The following NUP85 variants were observed in gnomAD, a reference collection of about 807,000 sequenced individuals.
The protein encoded by NUP85 is nucleoporin 85, also known as nuclear pore complex protein Nup85.
A neutral mutation model predicts 92.8 loss-of-function variants in NUP85; 23 were observed. The observed-to-expected ratio is 0.25, with a 90% CI of 0.18 to 0.35. The LOEUF (loss-of-function observed/expected upper bound fraction) is 0.35, where lower values mean the gene tolerates loss of function less well. NUP85 is among the 10% of genes least tolerant of loss of function. The pLI is 1.00. For missense variants in NUP85, 759 were observed against 822.8 expected (o/e 0.92, Z 0.95); for synonymous variants, 314 against 306.9 (o/e 1.02, Z -0.24).
At chr17:75,228,395 A>G (rs900496805) in intron 11 of NUP85, 3 of 985,262 alleles carry the variant, frequency 3.0e-6, no homozygotes, top group Non-Finnish European at 2.4e-6. Flanking sequence ...GTTAGTGGGA[A>G]ATCTTGGAGT....
chr17:75,231,498 AAAGGGAGGTTGGGCT>A lies in NUP85; in HGVS notation c.1179-69_1179-55del. Reference sequence around the variant, plus strand: ...GAGGGTGGTGTGAACTGAATGCCTGAAAGGGAGGTTGGGCTAAGGGGGCCCTGAACAGGGCAGGCC... The same window carrying A: ...GAGGGTGGTGTGAACTGAATGCCTGAAAGGGGGCCCTGAACAGGGCAGGCC... On this transcript the variant is annotated intron_variant, in intron 12 of 18. Coordinates refer to ENST00000245544, the MANE Select transcript of NUP85 (RefSeq NM_024844.5). This position sits in a 1 kb window ranked among gnomAD's most constrained non-coding sequence, Gnocchi z 4.6. 1.2e-6 allele frequency: 2 copies of A among 1,609,404 alleles called. No homozygotes were observed. The highest frequency in any genetic ancestry group is 2.7e-5 in the African/African-American group (2 of 74,934).
chr17:75,212,419 C>A (rs1264869969), intron 4 of NUP85, among the ~76,000 whole-genome samples: 1 of 148,682 alleles, frequency 6.7e-6, no homozygotes, highest in Non-Finnish European at 1.5e-5. Flanking sequence ...CAGTTGTACA[C>A]CACCAAGCCC....
At position 75,223,150 on chromosome 17, in the gene NUP85, A is replaced by C. The variant is rs573109427; in HGVS notation, c.598-1953A>C. ...TAGCAACACTAGAAAGCACTTCAGTACTACACGTGGGGACCCAAGAAAATG... is the reference window on the plus strand; with the variant it reads ...TAGCAACACTAGAAAGCACTTCAGTCCTACACGTGGGGACCCAAGAAAATG... On this transcript the variant is annotated intron_variant, in intron 7 of 18. Coordinates refer to ENST00000245544, the MANE Select transcript of NUP85 (RefSeq NM_024844.5). Among the ~76,000 whole-genome samples the C allele has an allele frequency of 1.1e-4, 16 of 152,216 alleles. No individual in the cohort carries two copies. The South Asian group carries it at 3.3e-3, about 32-fold the overall frequency.
rs2075753986 is a variant in NUP85, at chr17:75,225,450, G to C, written c.841G>C (p.Glu281Gln). Residue 281 changes from glutamate to glutamine, a missense_variant, in exon 9 of 19, where the codon GAG becomes CAG. Physicochemically the swap from Glu to Gln is conservative, Grantham distance 29. Transcript: ENST00000245544. The part of the protein sequence containing the change: ...DSTFATSPHL[E>Q]SLLKIMLGDE... The stretch of plus-strand genomic sequence containing the variant: ...CACATTCGCCACCAGCCCTCACCTG[G>C]AGTCTCTCTTGAAGGTCTGGGAAGC... 1.2e-6 allele frequency: 2 copies of C among 1,613,760 alleles called. No individual in the cohort carries two copies. Among genetic ancestry groups the C allele is most frequent in the Admixed American group, 1.7e-5 (1 of 60,012 alleles).
chr17:75,229,102 T>C, intron 11 of NUP85: 1 of 985,452 alleles, frequency 1.0e-6, no homozygotes, highest in Non-Finnish European at 1.2e-6. Flanking sequence ...CTGGTGCCCT[T>C]CAAGTCCTCC....
intron 7 of NUP85, among the ~76,000 whole-genome samples, chr17:75,220,583 T>TTTTATTTA (rs769505494): frequency 6.6e-6 from 1 of 151,404 alleles, no homozygotes; most frequent in South Asian, 2.1e-4. Flanking sequence ...CAGCTAAAGT[T>TTTTATTTA]TTTATTTATT....
intron 2 of NUP85, 22 bp downstream of exon 2, chr17:75,208,642 A>T: frequency 1.5e-6 from 2 of 1,342,668 alleles, no homozygotes; most frequent in Middle Eastern, 3.6e-4. Context: ...TTTCTTCCAA[A>T]TTATCCATCT....
intron 16 of NUP85, among the ~76,000 whole-genome samples, chr17:75,233,531 C>T (rs1425596039): frequency 2.8e-5 from 4 of 143,256 alleles, no homozygotes; most frequent in Non-Finnish European, 6.0e-5. Flanking sequence ...AAGCAATTCT[C>T]GTGCCTCAGC....
chr17:75,220,126 GGTTT>G, intron 7 of NUP85, among the ~76,000 whole-genome samples: 1 of 151,986 alleles, frequency 6.6e-6, no homozygotes, highest in Non-Finnish European at 1.5e-5. Flanking sequence ...CTGTGAGGTG[GGTTT>G]TTTTCCTTTT....
intron 11 of NUP85, among the ~76,000 whole-genome samples, chr17:75,230,044 A>ATTTTT (rs3082648): frequency 2.1e-5 from 3 of 140,376 alleles, no homozygotes; most frequent in Non-Finnish European, 1.5e-5. Context: ...GGTGTACAAA[A>ATTTTT]TTTTTTTTTT....
At chr17:75,228,476 C>T in intron 11 of NUP85, 4 of 985,350 alleles carry the variant, frequency 4.1e-6, no homozygotes, top group Non-Finnish European at 4.8e-6. Context: ...AGAGCTTGTC[C>T]CAGGAATTGT....
intron 7 of NUP85, among the ~76,000 whole-genome samples, chr17:75,221,703 C>T (rs2075603473): frequency 6.6e-6 from 1 of 152,264 alleles, no homozygotes; most frequent in Admixed American, 6.5e-5. Context: ...AAAAGCTAGT[C>T]TTTTACTTCT....
intron 11 of NUP85, among the ~76,000 whole-genome samples, chr17:75,229,463 C>T (rs546740274): frequency 6.6e-6 from 1 of 152,322 alleles, no homozygotes; most frequent in South Asian, 2.1e-4. Context: ...TCGTTTTCAG[C>T]AGAGGGCTAC....
intron 6 of NUP85, 54 bp downstream of exon 6, chr17:75,215,877 C>A: frequency 6.9e-7 from 1 of 1,443,946 alleles, no homozygotes; most frequent in Non-Finnish European, 9.7e-7. Context: ...CCATCTTCTG[C>A]TCTTTCCTCA....
chr17:75,210,022 A>G, intron 3 of NUP85, 37 bp downstream of exon 3: 1 of 1,568,090 alleles, frequency 6.4e-7, no homozygotes, highest in African/African-American at 1.4e-5. Flanking sequence ...AGCCCACACT[A>G]CACTGTGGAA....
rs557175730 is a variant in NUP85 at position 75,208,829 on chromosome 17, A to T, written c.127+209A>T. On this transcript the variant is annotated intron_variant, in intron 2 of 18. Coordinates refer to ENST00000245544, the MANE Select transcript of NUP85 (RefSeq NM_024844.5). ...GTGATCATGGCTCACTGCAGCCTCT[A>T]CCTCTTGGGCTCAAGTGATCCTCTG... Among the ~76,000 whole-genome samples, 6 of 151,994 alleles carry T rather than the reference A, an allele frequency of 3.9e-5. No individual in the cohort carries two copies. The East Asian group carries it at 1.2e-3, about 29-fold the overall frequency.
intron 11 of NUP85, chr17:75,228,212 A>G (rs1386334333): frequency 1.2e-5 from 12 of 985,278 alleles, no homozygotes; most frequent in Non-Finnish European, 1.4e-5. Context: ...TGCAGGGAGT[A>G]TAAAAGGGGA....
intron 3 of NUP85, 97 bp from the exon 4 acceptor site, chr17:75,211,895 C>A (rs1357249270): frequency 2.0e-6 from 2 of 982,912 alleles, no homozygotes; most frequent in Non-Finnish European, 3.1e-6. Context: ...TCTCCTCTTT[C>A]TTTCAGCAAA....
chr17:75,233,741 GGC>G (rs1265894480), intron 16 of NUP85, among the ~76,000 whole-genome samples: 22 of 152,036 alleles, frequency 1.4e-4, no homozygotes, highest in Non-Finnish European at 2.9e-4. Flanking sequence ...TGGGACTACA[GGC>G]GCACGCCACC....
Sources: gnomAD v4.1 joint callset for allele counts (sites outside exome capture counted in the v4.1 genomes callset) on GRCh38, gnomAD v4.1.1 for gene constraint, Gnocchi (gnomAD v3.1) non-coding constraint, MANE v1.5 for transcripts, NCBI Gene and HGNC (gene_info 2026-07-23, HGNC 2026-07-21) for gene names.